The following SYN3 variants were observed in gnomAD, a reference collection of about 807,000 sequenced individuals.
SYN3 encodes synapsin-3.
SYN3 carries 35 observed loss-of-function variants against 65.8 expected under a neutral mutation model. The ratio of observed to expected loss-of-function variants is 0.53; its 90% CI spans 0.41 to 0.70. The LOEUF (loss-of-function observed/expected upper bound fraction) is 0.70, where lower values mean the gene tolerates loss of function less well. Ranked by LOEUF, SYN3 falls within the 30% of genes least tolerant of loss-of-function variation. The probability of loss-of-function intolerance (pLI) is 0.00; values close to 1 mark genes in which losing one functional copy is unlikely to be tolerated. For synonymous variants in SYN3, 270 were observed against 292.9 expected (o/e 0.92, Z 0.80); for missense variants, 680 against 749.0 (o/e 0.91, Z 1.08).
rs943625501 is a variant in SYN3 at position 32,801,468 on chromosome 22, G to A, written c.711+63447C>T. 6.6e-5 allele frequency among the ~76,000 whole-genome samples: 10 copies of A among 152,334 alleles called. No individual in the cohort carries two copies. Among genetic ancestry groups the A allele is most frequent in the Middle Eastern group, 3.4e-3 (1 of 294 alleles). On this transcript the variant is annotated intron_variant, in intron 6 of 13. Coordinates refer to ENST00000358763, the MANE Select transcript of SYN3 (RefSeq NM_003490.4). The surrounding 1 kb of genome is among the most constrained non-coding windows in gnomAD (Gnocchi z 4.7). ...GGACCCAGCGGCAAGCACCGGTCCC[G>A]GGCGCGCCCCAGCCCACCCACTCGC... is the stretch of plus-strand genomic sequence containing the variant.
At chr22:32,867,299 G>A (rs2048712251) in intron 5 of SYN3, among the ~76,000 whole-genome samples, 1 of 152,118 alleles carries the variant, frequency 6.6e-6, no homozygotes, top group African/African-American at 2.4e-5. Flanking sequence ...TGCATATTTG[G>A]CATAAGTATT....
chr22:32,869,712 T>C (rs2048799124), intron 4 of SYN3, among the ~76,000 whole-genome samples: 1 of 136,870 alleles, frequency 7.3e-6, no homozygotes, highest in Non-Finnish European at 1.6e-5. Flanking sequence ...TTTTTTTTTT[T>C]CAAGTAGCAA....
chr22:32,674,819 C>G (rs2060417890), intron 6 of SYN3, among the ~76,000 whole-genome samples: 2 of 151,764 alleles, frequency 1.3e-5, no homozygotes, highest in African/African-American at 4.9e-5. Flanking sequence ...GCATGGGTAT[C>G]ATCACTAGCT....
intron 1 of SYN3, among the ~76,000 whole-genome samples, chr22:33,045,938 A>G (rs2054055946): frequency 6.6e-6 from 1 of 152,026 alleles, no homozygotes; most frequent in African/African-American, 2.4e-5. Flanking sequence ...AATATTTGCA[A>G]GTCACATATC....
chr22:32,987,606 G>T (rs747041604), intron 2 of SYN3, among the ~76,000 whole-genome samples: 3 of 152,206 alleles, frequency 2.0e-5, no homozygotes, highest in Non-Finnish European at 4.4e-5. Flanking sequence ...CCCTATGCCT[G>T]TATGGGGATC....
intron 6 of SYN3, among the ~76,000 whole-genome samples, chr22:32,626,657 C>T (rs2059670539): frequency 6.6e-6 from 1 of 152,150 alleles, no homozygotes; most frequent in Admixed American, 6.5e-5. Context: ...TGTGGGAGCA[C>T]AGACTCATGA....
At chr22:32,683,630 G>C (rs1297323832) in intron 6 of SYN3, among the ~76,000 whole-genome samples, 1 of 152,076 alleles carries the variant, frequency 6.6e-6, no homozygotes, top group Non-Finnish European at 1.5e-5. Flanking sequence ...GTCACCACAT[G>C]GTGATCCCGT....
chr22:32,527,515 A>G (rs577981559), intron 12 of SYN3, among the ~76,000 whole-genome samples: 1 of 151,748 alleles, frequency 6.6e-6, no homozygotes, highest in East Asian at 2.0e-4. Flanking sequence ...CAGGAGAATC[A>G]CTTGAACCTG....
chr22:32,880,762 T>C (rs879428899), intron 4 of SYN3, among the ~76,000 whole-genome samples: 3 of 152,190 alleles, frequency 2.0e-5, no homozygotes, highest in Non-Finnish European at 4.4e-5. Context: ...GTTAATATGT[T>C]CCTAAGAACT....
At chr22:32,770,118 C>T (rs1165054497) in intron 6 of SYN3, among the ~76,000 whole-genome samples, 1 of 152,136 alleles carries the variant, frequency 6.6e-6, no homozygotes, top group African/African-American at 2.4e-5. Flanking sequence ...ACCTTGGAGT[C>T]ACCCTTAACT....
At chr22:32,636,372 A>T (rs1360149441) in intron 6 of SYN3, among the ~76,000 whole-genome samples, 2 of 150,918 alleles carry the variant, frequency 1.3e-5, no homozygotes. Flanking sequence ...ACTGCACTCC[A>T]GCCGGGACGA....
chr22:33,009,171 G>A (rs1329041882), intron 1 of SYN3, among the ~76,000 whole-genome samples: 1 of 151,972 alleles, frequency 6.6e-6, no homozygotes, highest in Non-Finnish European at 1.5e-5. Context: ...TTGGGTCATG[G>A]GGTAAGTGTA....
intron 6 of SYN3, among the ~76,000 whole-genome samples, chr22:32,675,759 C>G (rs2060431603): frequency 6.6e-6 from 1 of 151,482 alleles, no homozygotes; most frequent in Non-Finnish European, 1.5e-5. Context: ...TGTTGTTTTT[C>G]TTCTCACTGC....
At chr22:32,870,585 T>C (rs567424987) in intron 4 of SYN3, among the ~76,000 whole-genome samples, 1 of 152,308 alleles carries the variant, frequency 6.6e-6, no homozygotes, top group Non-Finnish European at 1.5e-5. Context: ...TGTAAGCTTT[T>C]TGTAAGATAC....
Position 32,513,546 on chromosome 22 carries a change from A to C in SYN3, c.*146T>G. 3 of 1,072,358 alleles carry C rather than the reference A, an allele frequency of 2.8e-6. No homozygotes were observed. The South Asian group carries it at 5.1e-5, about 18-fold the overall frequency. The allele number at this position is 1,072,358 out of a possible 1,614,324, so 66.4% of individuals were successfully genotyped here. On this transcript the variant is annotated 3_prime_UTR_variant, in exon 14 of 14. Transcript: ENST00000358763. Reference sequence around the variant, plus strand: ...AAGGAAAATGGGAACAAATATAGATAATCGGTTCCTGGGTCAAAGGCATTT... The same window carrying C: ...AAGGAAAATGGGAACAAATATAGATCATCGGTTCCTGGGTCAAAGGCATTT...
chr22:32,553,984 G>A (rs567078861), intron 7 of SYN3, among the ~76,000 whole-genome samples: 27 of 152,120 alleles, frequency 1.8e-4, no homozygotes, highest in Non-Finnish European at 2.9e-4. Context: ...CCACCACCAC[G>A]GTCCACACCA....
chr22:32,710,833 T>G (rs1271338939), intron 6 of SYN3, among the ~76,000 whole-genome samples: 1 of 152,030 alleles, frequency 6.6e-6, no homozygotes, highest in Admixed American at 6.5e-5. Context: ...ATGAGCCAAT[T>G]AAACCTCTTT....
At chr22:33,031,884 T>G (rs1274656225) in intron 1 of SYN3, among the ~76,000 whole-genome samples, 1 of 152,034 alleles carries the variant, frequency 6.6e-6, no homozygotes, top group Non-Finnish European at 1.5e-5. Context: ...CTTTTGGAGT[T>G]TAGGCACAAT....
At chr22:32,967,129 C>T (rs1337160803) in intron 3 of SYN3, among the ~76,000 whole-genome samples, 1 of 152,076 alleles carries the variant, frequency 6.6e-6, no homozygotes. Context: ...GTGTGCCTGA[C>T]ACTTAGTAAG....
Sources: allele counts gnomAD v4.1 joint callset (sites outside exome capture counted in the v4.1 genomes callset), GRCh38; gene constraint gnomAD v4.1.1; non-coding constraint Gnocchi (gnomAD v3.1); transcripts MANE v1.5; gene names NCBI Gene and HGNC (gene_info 2026-07-23, HGNC 2026-07-21).